Variants in NTM observed in about 807,000 individuals in gnomAD.
NTM encodes the protein IgLON family member 2.
Under a neutral mutation model 42.1 loss-of-function variants are expected in NTM, and 13 were observed. The observed-to-expected ratio is 0.31, with a 90% CI of 0.20 to 0.49. The LOEUF (loss-of-function observed/expected upper bound fraction) is 0.49. NTM is among the 20% of genes least tolerant of loss of function. The pLI, the probability that NTM is intolerant of heterozygous loss-of-function variation, is 0.99. For synonymous variants in NTM, 187 were observed against 179.2 expected (o/e 1.04, Z -0.35); for missense variants, 373 against 452.8 (o/e 0.82, Z 1.60).
chr11:131,543,984 G>T (rs911805670), intron 1 of NTM, among the ~76,000 whole-genome samples: 7 of 152,284 alleles, frequency 4.6e-5, no homozygotes, highest in Admixed American at 1.3e-4. Flanking sequence ...CTCTTCCCAG[G>T]AAAGAGGCTA....
At chr11:131,993,750 C>T (rs1398067497) in intron 2 of NTM, among the ~76,000 whole-genome samples, 1 of 152,048 alleles carries the variant, frequency 6.6e-6, no homozygotes, top group Non-Finnish European at 1.5e-5. Context: ...CCTGTAATCT[C>T]AGCACTTTGG....
intron 1 of NTM, among the ~76,000 whole-genome samples, chr11:131,441,958 T>C (rs866037091): frequency 2.0e-5 from 3 of 152,158 alleles, no homozygotes; most frequent in Admixed American, 6.5e-5. Context: ...CATAGATGGG[T>C]ACATCAACAA....
chr11:131,894,730 G>C (rs1465879969), intron 1 of NTM, among the ~76,000 whole-genome samples: 1 of 152,112 alleles, frequency 6.6e-6, no homozygotes, highest in East Asian at 1.9e-4. Flanking sequence ...AACCAGAGCA[G>C]CCCAGGGAGG....
intron 1 of NTM, among the ~76,000 whole-genome samples, chr11:131,505,664 T>A (rs1388064454): frequency 6.6e-6 from 1 of 152,150 alleles, no homozygotes; most frequent in Admixed American, 6.5e-5. Flanking sequence ...CAGAGTGTGT[T>A]AATCAGTGTT....
intron 2 of NTM, among the ~76,000 whole-genome samples, chr11:132,010,969 C>T (rs11222864): frequency 0.03 from 4,496 of 151,574 alleles, 94 homozygotes; most frequent in South Asian, 0.13. Flanking sequence ...ATCTTACTCC[C>T]ATAAAATGAA....
chr11:131,618,081 G>C (rs2062135017), intron 1 of NTM, among the ~76,000 whole-genome samples: 1 of 152,184 alleles, frequency 6.6e-6, no homozygotes, highest in Non-Finnish European at 1.5e-5. Context: ...AAGGCTTGAG[G>C]CTGCTCATTT....
chr11:132,318,476 C>A (rs2095486192), intron 7 of NTM, among the ~76,000 whole-genome samples: 1 of 152,204 alleles, frequency 6.6e-6, no homozygotes, highest in Admixed American at 6.5e-5. Context: ...CCCTTCTCCA[C>A]AGTCCCTTTA....
intron 2 of NTM, among the ~76,000 whole-genome samples, chr11:131,972,169 C>A (rs540283032): frequency 5.7e-4 from 87 of 151,980 alleles, no homozygotes; most frequent in Non-Finnish European, 8.8e-5. Context: ...GCTGTGATTG[C>A]ACCACTGCAC....
intron 1 of NTM, chr11:131,771,281 T>A (rs1462354796): frequency 1.3e-5 from 2 of 152,198 alleles, no homozygotes; most frequent in Admixed American, 1.3e-4. Context: ...TCTGTAAGTG[T>A]ACTGCTGGAT....
intron 3 of NTM, among the ~76,000 whole-genome samples, chr11:132,191,892 CAG>C (rs1164204716): frequency 1.3e-5 from 2 of 152,104 alleles, no homozygotes; most frequent in African/African-American, 4.8e-5. Flanking sequence ...GCATTAACAA[CAG>C]AATAGATCAA....
At chr11:131,974,477 C>T (rs1012818383) in intron 2 of NTM, among the ~76,000 whole-genome samples, 2 of 152,262 alleles carry the variant, frequency 1.3e-5, no homozygotes, top group East Asian at 1.9e-4. Flanking sequence ...TACATGTGAA[C>T]TTATACCTCT....
chr11:131,852,584 C>T (rs78155609), intron 1 of NTM, among the ~76,000 whole-genome samples: 1 of 152,232 alleles, frequency 6.6e-6, no homozygotes, highest in African/African-American at 2.4e-5. Context: ...GGCAGATGCT[C>T]ATGGAATCAT....
intron 1 of NTM, among the ~76,000 whole-genome samples, chr11:131,725,434 C>G (rs568692643): frequency 2.0e-5 from 3 of 152,016 alleles, no homozygotes; most frequent in Admixed American, 1.3e-4. Flanking sequence ...TGAGGGTGAG[C>G]CTGATTAGAA....
chr11:131,925,814 G>C (rs1166065503), intron 2 of NTM, among the ~76,000 whole-genome samples: 1 of 152,190 alleles, frequency 6.6e-6, no homozygotes, highest in African/African-American at 2.4e-5. Context: ...GACGTACAAG[G>C]AATGGAGGCA....
At chr11:132,233,822 C>T (rs115896293) in intron 4 of NTM, among the ~76,000 whole-genome samples, 1 of 152,308 alleles carries the variant, frequency 6.6e-6, no homozygotes, top group African/African-American at 2.4e-5. Context: ...TTTCTCCATA[C>T]TCCCTTTTTG....
intron 1 of NTM, among the ~76,000 whole-genome samples, chr11:131,718,171 T>A (rs2077924333): frequency 6.6e-6 from 1 of 152,210 alleles, no homozygotes; most frequent in African/African-American, 2.4e-5. Flanking sequence ...GTAGTTTTAG[T>A]TTTTCATAAT....
chr11:131,407,193 T>G (rs1945894266), intron 1 of NTM, among the ~76,000 whole-genome samples: 1 of 152,148 alleles, frequency 6.6e-6, no homozygotes, highest in African/African-American at 2.4e-5. Flanking sequence ...AGACTGGATT[T>G]TTAAAAGGAA....
intron 1 of NTM, among the ~76,000 whole-genome samples, chr11:131,866,222 T>C (rs571982282): frequency 1.3e-5 from 2 of 152,376 alleles, no homozygotes; most frequent in East Asian, 1.9e-4. Flanking sequence ...CATGCATGCG[T>C]TGGCAGGTGC....
chr11:131,662,766 G>A (rs1044447443), intron 1 of NTM, among the ~76,000 whole-genome samples: 8 of 152,198 alleles, frequency 5.3e-5, no homozygotes, highest in East Asian at 1.9e-4. Context: ...GAAAAGAGAC[G>A]GCCTTCCCTC....
Sources: allele counts gnomAD v4.1 joint callset (sites outside exome capture counted in the v4.1 genomes callset), GRCh38; gene constraint gnomAD v4.1.1; transcripts MANE v1.5; gene names NCBI Gene and HGNC (gene_info 2026-07-23, HGNC 2026-07-21).